SLC24A2: variants seen among roughly 807,000 people sequenced by gnomAD.
SLC24A2 encodes sodium/potassium/calcium exchanger 2.
SLC24A2 carries 36 observed loss-of-function variants against 62.0 expected under a neutral mutation model. That is an observed-to-expected ratio of 0.58 (90% CI 0.44 to 0.77). SLC24A2 has a LOEUF of 0.77. SLC24A2 is among the 30% of genes least tolerant of loss of function. The pLI is 0.00. For synonymous variants in SLC24A2, 358 were observed against 294.0 expected (o/e 1.22, Z -2.23); for missense variants, 846 against 817.9 (o/e 1.03, Z -0.42).
chr9:19,870,277 C>A, the SLC24A2 span, among the ~76,000 whole-genome samples: 2 of 152,134 alleles, frequency 1.3e-5, no homozygotes, highest in Non-Finnish European at 2.9e-5. Flanking sequence ...GGAATCATAG[C>A]CTTCTATAAC....
intron 2 of SLC24A2, among the ~76,000 whole-genome samples, chr9:19,779,043 A>T (rs1214025334): frequency 1.3e-5 from 2 of 152,244 alleles, no homozygotes; most frequent in Non-Finnish European, 2.9e-5. Flanking sequence ...TTTAGAGCAG[A>T]TTAGACAAAA....
chr9:20,206,612 C>T, the SLC24A2 span, among the ~76,000 whole-genome samples: 1 of 152,008 alleles, frequency 6.6e-6, no homozygotes, highest in Non-Finnish European at 1.5e-5. Flanking sequence ...GCCTCAGACT[C>T]CTGAGTAGCT....
chr9:19,802,518 T>A, the SLC24A2 span, among the ~76,000 whole-genome samples: 5 of 152,218 alleles, frequency 3.3e-5, no homozygotes, highest in African/African-American at 1.2e-4. Context: ...AGAAATGATA[T>A]CACAATTATA....
At chr9:20,208,442 T>C in the SLC24A2 span, among the ~76,000 whole-genome samples, 1 of 152,200 alleles carries the variant, frequency 6.6e-6, no homozygotes, top group Non-Finnish European at 1.5e-5. Flanking sequence ...CTGTATTCAT[T>C]GCACATAAGC....
chr9:20,146,586 C>T, the SLC24A2 span, among the ~76,000 whole-genome samples: 3 of 152,022 alleles, frequency 2.0e-5, no homozygotes, highest in South Asian at 4.2e-4. Context: ...AGTCTGTGTA[C>T]TGGGTTTCTG....
chr9:20,109,276 C>T, the SLC24A2 span, among the ~76,000 whole-genome samples: 2 of 152,104 alleles, frequency 1.3e-5, no homozygotes, highest in Non-Finnish European at 1.5e-5. Context: ...GACTAGTGAA[C>T]GAGATTATGC....
the SLC24A2 span, among the ~76,000 whole-genome samples, chr9:20,175,333 A>G: frequency 6.6e-6 from 1 of 151,910 alleles, no homozygotes; most frequent in Non-Finnish European, 1.5e-5. Flanking sequence ...TCAACACTAA[A>G]GAACTCATTC....
chr9:19,683,489 G>A (rs1382805604), intron 2 of SLC24A2, among the ~76,000 whole-genome samples: 1 of 151,584 alleles, frequency 6.6e-6, no homozygotes, highest in Non-Finnish European at 1.5e-5. Flanking sequence ...GTGATCAGGT[G>A]ATCTTCATTT....
the SLC24A2 span, among the ~76,000 whole-genome samples, chr9:19,907,969 A>G: frequency 6.6e-6 from 1 of 152,214 alleles, no homozygotes; most frequent in Non-Finnish European, 1.5e-5. Context: ...TTCTTCACAG[A>G]ATTGGAAAAA....
chr9:19,784,929 TTTTC>T (rs1268756915), intron 2 of SLC24A2, among the ~76,000 whole-genome samples: 2 of 152,178 alleles, frequency 1.3e-5, no homozygotes, highest in African/African-American at 4.8e-5. Context: ...ATCATTTTTC[TTTTC>T]TTTTTGAACA....
upstream of SLC24A2, among the ~76,000 whole-genome samples, chr9:19,792,640 G>A (rs141481578): frequency 7.6e-4 from 116 of 151,882 alleles, no homozygotes; most frequent in Non-Finnish European, 2.8e-4. Flanking sequence ...CCTGGGATGC[G>A]GAGGGTGCAG....
At chr9:19,648,289 T>C (rs1818701106) in intron 2 of SLC24A2, among the ~76,000 whole-genome samples, 1 of 152,134 alleles carries the variant, frequency 6.6e-6, no homozygotes, top group African/African-American at 2.4e-5. Flanking sequence ...AAGGGAAATC[T>C]GCCAAATAAG....
intron 2 of SLC24A2, among the ~76,000 whole-genome samples, chr9:19,675,009 T>C (rs1181630714): frequency 1.3e-5 from 2 of 152,188 alleles, no homozygotes; most frequent in Non-Finnish European, 2.9e-5. Flanking sequence ...GATCTGGGGC[T>C]CAAGGGCTGC....
At chr9:19,623,814 T>C (rs1817967787) in intron 2 of SLC24A2, among the ~76,000 whole-genome samples, 1 of 152,244 alleles carries the variant, frequency 6.6e-6, no homozygotes, top group African/African-American at 2.4e-5. Flanking sequence ...CAAGCATTTT[T>C]ATAGGCTCTT....
the SLC24A2 span, among the ~76,000 whole-genome samples, chr9:19,957,126 A>G: frequency 6.6e-6 from 1 of 152,260 alleles, no homozygotes; most frequent in African/African-American, 2.4e-5. Flanking sequence ...AATGATACGA[A>G]ATATAATACA....
At chr9:20,172,254 G>A in the SLC24A2 span, among the ~76,000 whole-genome samples, 1 of 151,978 alleles carries the variant, frequency 6.6e-6, no homozygotes, top group African/African-American at 2.4e-5. Flanking sequence ...CAAAAAGTCT[G>A]AAAGAGCACA....
chr9:20,194,425 A>T, the SLC24A2 span, among the ~76,000 whole-genome samples: 5 of 152,218 alleles, frequency 3.3e-5, no homozygotes, highest in South Asian at 1.0e-3. Flanking sequence ...AGGGGCTCAC[A>T]TGCTCATGGC....
chr9:19,526,793 GTTTTCC>G (rs1489714385), intron 9 of SLC24A2, among the ~76,000 whole-genome samples: 3 of 152,096 alleles, frequency 2.0e-5, no homozygotes, highest in East Asian at 1.9e-4. Context: ...CCAGCCTGTG[GTTTTCC>G]TTTTCCTTTT....
chr9:19,715,281 C>T, intron 2 of SLC24A2, among the ~76,000 whole-genome samples: 1 of 152,050 alleles, frequency 6.6e-6, no homozygotes, highest in Non-Finnish European at 1.5e-5. Flanking sequence ...TAATATTTTG[C>T]TTTCTGAAAA....
Sources: gnomAD v4.1 joint callset for allele counts (sites outside exome capture counted in the v4.1 genomes callset) on GRCh38, gnomAD v4.1.1 for gene constraint, MANE v1.5 for transcripts, NCBI Gene and HGNC (gene_info 2026-07-23, HGNC 2026-07-21) for gene names.